Variants in AGBL1 observed in about 807,000 individuals in gnomAD.
AGBL1 encodes AGBL carboxypeptidase 1.
A neutral mutation model predicts 118.9 loss-of-function variants in AGBL1; 130 were observed. The ratio of observed to expected loss-of-function variants is 1.09; its 90% confidence interval spans 0.95 to 1.26. AGBL1 has a LOEUF of 1.26. AGBL1 is among the 50% of genes most tolerant of loss of function. The pLI is 0.00. For synonymous variants in AGBL1, 555 were observed against 478.9 expected (o/e 1.16, Z -2.08); for missense variants, 1,584 against 1,298.1 (o/e 1.22, Z -3.38).
At chr15:86,730,007 C>T (rs1402530808) in intron 22 of AGBL1, among the ~76,000 whole-genome samples, 1 of 152,136 alleles carries the variant, frequency 6.6e-6, no homozygotes, top group East Asian at 1.9e-4. Flanking sequence ...TTTTGATTTG[C>T]ATTTCTCTAA....
chr15:86,473,572 T>C lies in AGBL1; in HGVS notation c.2556-49238T>C, dbSNP rs534416203. On this transcript the variant is annotated intron_variant, in intron 18 of 22. Transcript: ENST00000614907. ...TTCTATTTGTTTTTTTTAAAAAAGG[T>C]CATGTGTACATACTTTGTGTTAATG... Among the ~76,000 whole-genome samples, 41 of 152,252 alleles carry C rather than the reference T, an allele frequency of 2.7e-4. 1 individual carries two copies. The South Asian group carries it at 8.3e-3, about 31-fold the overall frequency.
chr15:86,714,967 G>T (rs1049850580), intron 22 of AGBL1, among the ~76,000 whole-genome samples: 2 of 152,114 alleles, frequency 1.3e-5, no homozygotes, highest in Admixed American at 6.5e-5. Context: ...GAAATTTAGG[G>T]TTGCTCAAAT....
At chr15:86,766,677 T>G (rs2078101500) in intron 22 of AGBL1, among the ~76,000 whole-genome samples, 1 of 149,394 alleles carries the variant, frequency 6.7e-6, no homozygotes, top group Non-Finnish European at 1.5e-5. Flanking sequence ...ATTGATTGAG[T>G]GTCAACTAAA....
intron 18 of AGBL1, among the ~76,000 whole-genome samples, chr15:86,458,500 C>A (rs1373318721): frequency 6.6e-6 from 1 of 152,118 alleles, no homozygotes; most frequent in Non-Finnish European, 1.5e-5. Context: ...CCACGGTAGT[C>A]AGTCTGTTAC....
chr15:86,546,665 G>T (rs2083587861), intron 20 of AGBL1, among the ~76,000 whole-genome samples: 1 of 152,146 alleles, frequency 6.6e-6, no homozygotes, highest in African/African-American at 2.4e-5. Context: ...ATAAAAAGCA[G>T]ATCAGTAATC....
At chr15:86,385,281 A>G (rs111717389) in intron 17 of AGBL1, among the ~76,000 whole-genome samples, 8 of 152,326 alleles carry the variant, frequency 5.3e-5, no homozygotes, top group African/African-American at 1.9e-4. Context: ...TGCTTTTTAA[A>G]AATGTGGCTA....
At chr15:86,214,818 C>T (rs985667313) in intron 5 of AGBL1, among the ~76,000 whole-genome samples, 3 of 152,256 alleles carry the variant, frequency 2.0e-5, no homozygotes. Flanking sequence ...TGGTGCTCTG[C>T]TCCTGGTTCT....
intron 1 of AGBL1, among the ~76,000 whole-genome samples, chr15:86,092,493 C>A (rs182306580): frequency 6.6e-6 from 1 of 152,056 alleles, no homozygotes; most frequent in East Asian, 1.9e-4. Flanking sequence ...AATTTTTATT[C>A]TAAAAATCAA....
chr15:86,756,751 T>C (rs1274066923), intron 22 of AGBL1, among the ~76,000 whole-genome samples: 3 of 152,030 alleles, frequency 2.0e-5, no homozygotes, highest in Non-Finnish European at 4.4e-5. Context: ...AATTGTAGAT[T>C]GAAGTCAAAA....
chr15:86,682,171 T>C (rs1596365241), intron 22 of AGBL1, among the ~76,000 whole-genome samples: 1 of 152,316 alleles, frequency 6.6e-6, no homozygotes, highest in East Asian at 1.9e-4. Context: ...AAATGCTACA[T>C]GTTGGGAAAT....
At chr15:86,457,654 A>G (rs2082277965) in intron 18 of AGBL1, among the ~76,000 whole-genome samples, 1 of 152,220 alleles carries the variant, frequency 6.6e-6, no homozygotes, top group Non-Finnish European at 1.5e-5. Context: ...CCAGATTAGA[A>G]GTGCTCTGGA....
intron 22 of AGBL1, among the ~76,000 whole-genome samples, chr15:86,809,712 A>T (rs2078762985): frequency 6.6e-6 from 1 of 152,158 alleles, no homozygotes; most frequent in Non-Finnish European, 1.5e-5. Context: ...TTCTAGAGAT[A>T]TGTAGCTCTA....
At chr15:86,970,691 A>G (rs1407897366) in intron 23 of AGBL1, among the ~76,000 whole-genome samples, 1 of 151,992 alleles carries the variant, frequency 6.6e-6, no homozygotes, top group African/African-American at 2.4e-5. Flanking sequence ...AAAACATTAC[A>G]AAGCAATTTA....
At chr15:86,850,391 C>G (rs1010833045) in intron 22 of AGBL1, among the ~76,000 whole-genome samples, 60 of 152,190 alleles carry the variant, frequency 3.9e-4, no homozygotes, top group African/African-American at 1.4e-3. Context: ...GCTCCTGCCC[C>G]CTTCCTGTTT....
rs1169598231 is a variant in AGBL1 at position 86,703,117 on chromosome 15, G to C, written c.3158+28681G>C. Among the ~76,000 whole-genome samples, 9 of 152,126 alleles carry C rather than the reference G, an allele frequency of 5.9e-5. No homozygotes were observed. In the East Asian group the frequency reaches 1.5e-3, roughly 26 times the overall value. ...AACACTGAAAGGCTTTTATCAACTGGGTAGAGTGGTGATAATGAATCAATG... is the reference window on the plus strand; with the variant it reads ...AACACTGAAAGGCTTTTATCAACTGCGTAGAGTGGTGATAATGAATCAATG... On this transcript the variant is annotated intron_variant, in intron 22 of 22. Transcript: ENST00000614907.
At chr15:86,921,976 G>A (rs1415264681) in intron 23 of AGBL1, among the ~76,000 whole-genome samples, 1 of 152,046 alleles carries the variant, frequency 6.6e-6, no homozygotes, top group Non-Finnish European at 1.5e-5. Flanking sequence ...TCCTGCACAG[G>A]TCTATATAAA....
At chr15:86,755,717 G>C (rs1268807898) in intron 22 of AGBL1, among the ~76,000 whole-genome samples, 1 of 152,068 alleles carries the variant, frequency 6.6e-6, no homozygotes, top group Non-Finnish European at 1.5e-5. Flanking sequence ...CATGGTTGTT[G>C]AGAGTAGACA....
At chr15:86,867,927 G>C (rs1430514069) in intron 22 of AGBL1, among the ~76,000 whole-genome samples, 1 of 152,126 alleles carries the variant, frequency 6.6e-6, no homozygotes, top group Admixed American at 6.5e-5. Flanking sequence ...TTATAATAGG[G>C]AATAAAGGAA....
intron 22 of AGBL1, among the ~76,000 whole-genome samples, chr15:86,829,407 C>T (rs1273875617): frequency 6.6e-6 from 1 of 152,050 alleles, no homozygotes; most frequent in African/African-American, 2.4e-5. Context: ...GCCATATGAC[C>T]CTGTAAATCT....
Sources: gnomAD v4.1 joint callset for allele counts (sites outside exome capture counted in the v4.1 genomes callset) on GRCh38, gnomAD v4.1.1 for gene constraint, MANE v1.5 for transcripts, NCBI Gene and HGNC (gene_info 2026-07-23, HGNC 2026-07-21) for gene names.